SUCLG2: variants seen among roughly 807,000 people sequenced by gnomAD.
SUCLG2 encodes succinate-CoA ligase GDP-forming subunit beta.
In SUCLG2, 42 loss-of-function variants were observed where a neutral mutation model predicts 47.9. The observed-to-expected ratio is 0.88, with a 90% CI of 0.69 to 1.14. The LOEUF is 1.14. Among genes scored for constraint, SUCLG2 ranks in the 50% most tolerant of loss-of-function variants. SUCLG2 has a pLI of 0.00. For synonymous variants in SUCLG2, 195 were observed against 197.3 expected (o/e 0.99, Z 0.10); for missense variants, 571 against 525.9 (o/e 1.09, Z -0.84).
At chr3:67,473,688 T>A (rs148257881) in intron 9 of SUCLG2, among the ~76,000 whole-genome samples, 92 of 152,306 alleles carry the variant, frequency 6.0e-4, no homozygotes, top group African/African-American at 2.1e-3. Flanking sequence ...TGGAAAAGAC[T>A]TAAGGCTGTT....
chr3:67,477,307 T>C (rs72923147), intron 9 of SUCLG2, among the ~76,000 whole-genome samples: 6,163 of 152,166 alleles, frequency 0.041, 421 homozygotes, highest in African/African-American at 0.14. Context: ...TTGGCTGACT[T>C]TTTTTTCCCC....
At chr3:67,581,719 T>C (rs1397024194) in intron 2 of SUCLG2, among the ~76,000 whole-genome samples, 3 of 152,136 alleles carry the variant, frequency 2.0e-5, no homozygotes, top group Non-Finnish European at 4.4e-5. Context: ...AACTCGAGTA[T>C]GGAAAGTCAG....
intron 2 of SUCLG2, among the ~76,000 whole-genome samples, chr3:67,550,448 T>C (rs1185648615): frequency 6.6e-6 from 1 of 152,118 alleles, no homozygotes; most frequent in Admixed American, 6.5e-5. Flanking sequence ...CAAGTGATCC[T>C]CCCTCAGCCT....
At chr3:67,513,134 A>T (rs951865754) in intron 6 of SUCLG2, among the ~76,000 whole-genome samples, 1 of 145,088 alleles carries the variant, frequency 6.9e-6, no homozygotes, top group Non-Finnish European at 1.5e-5. Context: ...TATTTCACTT[A>T]GCATAATGTC....
chr3:67,452,120 C>A (rs1031492101), intron 9 of SUCLG2, among the ~76,000 whole-genome samples: 43 of 152,286 alleles, frequency 2.8e-4, no homozygotes, highest in African/African-American at 9.6e-4. Context: ...TAACTCCTCT[C>A]CAGAAATACA....
At chr3:67,565,765 C>T (rs1377694218) in intron 2 of SUCLG2, among the ~76,000 whole-genome samples, 1 of 152,228 alleles carries the variant, frequency 6.6e-6, no homozygotes, top group African/African-American at 2.4e-5. Flanking sequence ...CCCTAGCACT[C>T]TCACTAGCGC....
chr3:67,627,884 C>A (rs1007552971), intron 1 of SUCLG2, among the ~76,000 whole-genome samples: 1 of 152,198 alleles, frequency 6.6e-6, no homozygotes, highest in African/African-American at 2.4e-5. Context: ...GACCTATGTT[C>A]CAAGTTCCCA....
chr3:67,443,982 C>A (rs1213325517), intron 9 of SUCLG2, among the ~76,000 whole-genome samples: 1 of 109,548 alleles, frequency 9.1e-6, no homozygotes, highest in African/African-American at 3.2e-5. Flanking sequence ...GCCCCCCGCC[C>A]GGCCAGCCGC....
chr3:67,635,264 G>A (rs974244944), intron 1 of SUCLG2, among the ~76,000 whole-genome samples: 1 of 152,148 alleles, frequency 6.6e-6, no homozygotes, highest in African/African-American at 2.4e-5. Context: ...TTCCTGCCTT[G>A]GCTGAGGCTT....
At chr3:67,477,620 G>A (rs1258854745) in intron 9 of SUCLG2, among the ~76,000 whole-genome samples, 3 of 152,130 alleles carry the variant, frequency 2.0e-5, no homozygotes, top group Admixed American at 6.5e-5. Context: ...ACTTGAACCC[G>A]AGAGGCAGAG....
intron 1 of SUCLG2, among the ~76,000 whole-genome samples, chr3:67,650,532 A>C (rs376234002): frequency 6.6e-6 from 1 of 152,182 alleles, no homozygotes; most frequent in Middle Eastern, 3.2e-3. Flanking sequence ...TGAAGGGGGC[A>C]GATCACTTGA....
intron 9 of SUCLG2, among the ~76,000 whole-genome samples, chr3:67,437,055 G>T (rs187254786): frequency 3.7e-4 from 56 of 152,182 alleles, no homozygotes; most frequent in African/African-American, 1.3e-3. Flanking sequence ...TAAACACATT[G>T]AGTATTATTA....
At chr3:67,474,073 C>T (rs1296721809) in intron 9 of SUCLG2, among the ~76,000 whole-genome samples, 5 of 152,154 alleles carry the variant, frequency 3.3e-5, no homozygotes, top group Admixed American at 1.3e-4. Context: ...CTTGCTAACA[C>T]GGTGAAACCC....
intron 9 of SUCLG2, among the ~76,000 whole-genome samples, chr3:67,404,722 G>A (rs1420174895): frequency 6.6e-6 from 1 of 152,118 alleles, no homozygotes; most frequent in Non-Finnish European, 1.5e-5. Flanking sequence ...CTGATTTAAG[G>A]TTTAACTCTG....
At chr3:67,576,560 T>G (rs1176556186) in intron 2 of SUCLG2, among the ~76,000 whole-genome samples, 1 of 152,222 alleles carries the variant, frequency 6.6e-6, no homozygotes, top group Non-Finnish European at 1.5e-5. Flanking sequence ...AGAGCAATCT[T>G]GAAGAGCTGC....
At chr3:67,434,535 A>G (rs966587055) in intron 9 of SUCLG2, among the ~76,000 whole-genome samples, 1 of 152,120 alleles carries the variant, frequency 6.6e-6, no homozygotes, top group Non-Finnish European at 1.5e-5. Flanking sequence ...AACAACAACA[A>G]TAACAACAAT....
At chr3:67,537,249 G>A (rs1463127568) in intron 2 of SUCLG2, among the ~76,000 whole-genome samples, 1 of 151,966 alleles carries the variant, frequency 6.6e-6, no homozygotes, top group East Asian at 1.9e-4. Context: ...GCCCCAGTGT[G>A]TGATGTTCCC....
At chr3:67,450,175 A>G (rs1704022991) in intron 9 of SUCLG2, among the ~76,000 whole-genome samples, 1 of 152,068 alleles carries the variant, frequency 6.6e-6, no homozygotes, top group African/African-American at 2.4e-5. Flanking sequence ...CCCAGTAGCT[A>G]GGACAACAGA....
intron 1 of SUCLG2, among the ~76,000 whole-genome samples, chr3:67,629,964 C>G (rs1306034287): frequency 1.3e-5 from 2 of 152,074 alleles, no homozygotes; most frequent in Admixed American, 6.6e-5. Context: ...CTACTCTCTG[C>G]CCCCTTCTCA....
Sources: gnomAD v4.1 joint callset for allele counts (sites outside exome capture counted in the v4.1 genomes callset) on GRCh38, gnomAD v4.1.1 for gene constraint, MANE v1.5 for transcripts, NCBI Gene and HGNC (gene_info 2026-07-23, HGNC 2026-07-21) for gene names.